Variants in DAB2IP observed in about 807,000 individuals in gnomAD.
The protein encoded by DAB2IP is disabled homolog 2-interacting protein.
DAB2IP carries 28 observed loss-of-function variants against 107.2 expected under a neutral mutation model. The observed-to-expected ratio is 0.26, with a 90% CI of 0.19 to 0.36. DAB2IP has a LOEUF of 0.36. DAB2IP is among the 10% of genes least tolerant of loss of function. The pLI, the probability that DAB2IP is intolerant of heterozygous loss-of-function variation, is 1.00. For synonymous variants in DAB2IP, 755 were observed against 706.4 expected, an observed-to-expected ratio of 1.07 and a Z score of -1.09; for missense variants, 1,400 against 1,644.7, an observed-to-expected ratio of 0.85 and a Z score of 2.57.
At position 121,759,312 on chromosome 9, in the gene DAB2IP, T is replaced by G. The variant is rs142346168; in HGVS notation, c.615+316T>G. On this transcript the variant is annotated intron_variant, in intron 5 of 15. Transcript: ENST00000408936. Reference sequence around the variant, plus strand: ...CCAGCCCCTGGCTGAGTTCTGCTCATCTTCCCCTTCCACCTTAGATGTCTG... The same window carrying G: ...CCAGCCCCTGGCTGAGTTCTGCTCAGCTTCCCCTTCCACCTTAGATGTCTG... 2.8e-4 allele frequency among the ~76,000 whole-genome samples: 43 copies of G among 152,274 alleles called. No homozygotes were observed. The East Asian group carries it at 8.3e-3, about 29-fold the overall frequency.
intron 2 of DAB2IP, among the ~76,000 whole-genome samples, chr9:121,683,354 G>T (rs1288489993): frequency 6.6e-6 from 1 of 152,058 alleles, no homozygotes; most frequent in East Asian, 1.9e-4. Context: ...CTTCCCTGTT[G>T]CGGGCTGGGT....
chr9:121,616,356 C>T (rs1831276696), intron 1 of DAB2IP, among the ~76,000 whole-genome samples: 1 of 152,158 alleles, frequency 6.6e-6, no homozygotes, highest in African/African-American at 2.4e-5. Context: ...GAATTATCTG[C>T]TGTCTTTATT....
At chr9:121,617,452 A>G (rs1487307903) in intron 1 of DAB2IP, among the ~76,000 whole-genome samples, 1 of 152,192 alleles carries the variant, frequency 6.6e-6, no homozygotes, top group Non-Finnish European at 1.5e-5. Context: ...CTTGGACTAG[A>G]AGCTTCCTCA....
chr9:121,677,179 C>G (rs1241368203), intron 1 of DAB2IP, among the ~76,000 whole-genome samples: 1 of 152,130 alleles, frequency 6.6e-6, no homozygotes, highest in African/African-American at 2.4e-5. Context: ...AAGTTTAAAG[C>G]CTCTGGAAAA....
chr9:121,731,645 C>T (rs1022857081), intron 3 of DAB2IP, among the ~76,000 whole-genome samples: 8 of 151,708 alleles, frequency 5.3e-5, no homozygotes, highest in African/African-American at 9.7e-5. Context: ...TCTGGCCTCA[C>T]GGTCATCTCA....
chr9:121,732,610 C>T (rs1055865044), intron 3 of DAB2IP, among the ~76,000 whole-genome samples: 3 of 152,104 alleles, frequency 2.0e-5, no homozygotes, highest in African/African-American at 7.2e-5. Flanking sequence ...ACCCACACAG[C>T]TCAAAACTAG....
rs73664503 is a variant in DAB2IP, at chr9:121,653,851, T to C, written c.124+1952T>C. ...ACAGGATCACTGCTTGTGTCCCAGCTTGAAGGAGCTCACGGCCTGCAGAGC... is the reference window on the plus strand; with the variant it reads ...ACAGGATCACTGCTTGTGTCCCAGCCTGAAGGAGCTCACGGCCTGCAGAGC... On this transcript the variant is annotated intron_variant, in intron 1 of 15. Coordinates refer to ENST00000408936, the Ensembl canonical transcript of DAB2IP. 6.9e-3 allele frequency among the ~76,000 whole-genome samples: 1,045 copies of C among 152,284 alleles called. 18 individuals are homozygous for C. Among genetic ancestry groups the C allele is most frequent in the African/African-American group, 0.024 (1,003 of 41,548 alleles).
At chr9:121,759,181 C>T (rs1194814980) in intron 5 of DAB2IP, among the ~76,000 whole-genome samples, 185 bp downstream of exon 5, 1 of 152,204 alleles carries the variant, frequency 6.6e-6, no homozygotes, top group Non-Finnish European at 1.5e-5. Flanking sequence ...CAGGTTGAGA[C>T]AGGTGCTGTG....
At position 121,635,110 on chromosome 9, in the gene DAB2IP, G is replaced by A. The variant is rs1032465130; in HGVS notation, c.41-43568G>A. Among the ~76,000 whole-genome samples, 11 of 152,232 alleles carry A rather than the reference G, an allele frequency of 7.2e-5. No homozygotes were observed. The highest frequency in any genetic ancestry group is 2.4e-4 in the African/African-American group (10 of 41,462). On this transcript the variant is annotated intron_variant, in intron 1 of 16. Coordinates refer to the DAB2IP transcript ENST00000259371. This position sits in a 1 kb window ranked among gnomAD's most constrained non-coding sequence, Gnocchi z 4.3. ...AAGCTTGGCAGAGGGTGGCTATGGAGTGGAGGGGGCTGGAGAGGCCAGGCC... is the reference window on the plus strand; with the variant it reads ...AAGCTTGGCAGAGGGTGGCTATGGAATGGAGGGGGCTGGAGAGGCCAGGCC...
At chr9:121,652,613 G>C (rs1224902220) in intron 1 of DAB2IP, among the ~76,000 whole-genome samples, 2 of 152,134 alleles carry the variant, frequency 1.3e-5, no homozygotes, top group Non-Finnish European at 2.9e-5. Context: ...GGAGGCTGGA[G>C]TCCTAGGCAG....
chr9:121,699,970 G>A lies in DAB2IP; in HGVS notation c.362+512G>A, dbSNP rs1174059043. On this transcript the variant is annotated intron_variant, in intron 3 of 15. Transcript: ENST00000408936. The surrounding 1 kb of genome is among the most constrained non-coding windows in gnomAD (Gnocchi z 6.2). The stretch of plus-strand genomic sequence containing the variant: ...GAGCAGGGGGCTGGGCCACTTAGGG[G>A]GCACATCTGCTCTAAGTAGGGCGCG... 6.6e-6 allele frequency among the ~76,000 whole-genome samples: 1 copy of A among 152,216 alleles called. No homozygotes were observed. Among genetic ancestry groups the A allele is most frequent in the Non-Finnish European group, 1.5e-5 (1 of 68,018 alleles).
chr9:121,674,799 C>T (rs1309416568), intron 1 of DAB2IP, among the ~76,000 whole-genome samples: 2 of 152,020 alleles, frequency 1.3e-5, no homozygotes, highest in Non-Finnish European at 2.9e-5. Context: ...AGTGTTCTAC[C>T]AGGGCACTCC....
intron 3 of DAB2IP, among the ~76,000 whole-genome samples, chr9:121,738,646 G>T (rs995422038): frequency 6.6e-6 from 1 of 152,214 alleles, no homozygotes; most frequent in African/African-American, 2.4e-5. Context: ...ACCCCAGAAG[G>T]CTGGGCTGTC....
At chr9:121,631,592 C>T (rs1003923712) in intron 1 of DAB2IP, among the ~76,000 whole-genome samples, 2 of 152,014 alleles carry the variant, frequency 1.3e-5, no homozygotes, top group Non-Finnish European at 2.9e-5. Flanking sequence ...CCGAGGCTGG[C>T]GGATAACAAG....
At chr9:121,694,187 T>C (rs1829302385) in intron 2 of DAB2IP, among the ~76,000 whole-genome samples, 2 of 152,086 alleles carry the variant, frequency 1.3e-5, no homozygotes, top group South Asian at 4.1e-4. Context: ...ATCAGAGCTG[T>C]CCATCTGTTT....
intron 1 of DAB2IP, among the ~76,000 whole-genome samples, chr9:121,643,088 T>C (rs1347420353): frequency 6.6e-6 from 1 of 152,072 alleles, no homozygotes; most frequent in African/African-American, 2.4e-5. Flanking sequence ...TCTTAGCCAG[T>C]GGCTCCTCAA....
At chr9:121,600,472 G>C (rs1246184061) in intron 1 of DAB2IP, among the ~76,000 whole-genome samples, 2 of 152,100 alleles carry the variant, frequency 1.3e-5, no homozygotes, top group African/African-American at 4.8e-5. Flanking sequence ...AGGGTGTTCT[G>C]GTCTCAGGAT....
chr9:121,650,599 C>G (rs942209988), upstream of DAB2IP, among the ~76,000 whole-genome samples: 5 of 152,224 alleles, frequency 3.3e-5, no homozygotes, highest in Non-Finnish European at 5.9e-5. Flanking sequence ...GAGGCAAGAC[C>G]TCCTTGCCAA....
rs1350135884 is a variant in DAB2IP, at chr9:121,736,434, C to T, written c.363-20579C>T. Among the ~76,000 whole-genome samples, 3 of 152,152 alleles carry T rather than the reference C, an allele frequency of 2.0e-5. No homozygotes were observed. Among genetic ancestry groups the T allele is most frequent in the Admixed American group, 6.5e-5 (1 of 15,286 alleles). ...TGCGCGTCCCGCCCGCCCGGCGTGC[C>T]GAAGCGCAGCGGCGGGTCGCTAGCG... On this transcript the variant is annotated intron_variant, in intron 3 of 15. Coordinates refer to ENST00000408936, the Ensembl canonical transcript of DAB2IP. The surrounding 1 kb of genome is among the most constrained non-coding windows in gnomAD (Gnocchi z 4.6).
Sources: allele counts gnomAD v4.1 joint callset (sites outside exome capture counted in the v4.1 genomes callset), GRCh38; gene constraint gnomAD v4.1.1; non-coding constraint Gnocchi (gnomAD v3.1); transcripts MANE v1.5; gene names NCBI Gene and HGNC (gene_info 2026-07-23, HGNC 2026-07-21).